ETF1: variants seen among roughly 807,000 people sequenced by gnomAD.
ETF1 encodes eukaryotic translation termination factor 1, also known as eukaryotic peptide chain release factor subunit 1.
Under a neutral mutation model 55.1 loss-of-function variants are expected in ETF1, and 4 were observed. The observed-to-expected ratio is 0.07, with a 90% CI of 0.04 to 0.17. The LOEUF (loss-of-function observed/expected upper bound fraction) is 0.17, where lower values mean the gene tolerates loss of function less well. Among genes scored for constraint, ETF1 ranks in the 10% least tolerant of loss-of-function variants. The probability of loss-of-function intolerance (pLI) is 1.00; values close to 1 mark genes in which losing one functional copy is unlikely to be tolerated. For synonymous variants in ETF1, 157 were observed against 182.3 expected (o/e 0.86, Z 1.12); for missense variants, 142 against 523.6 (o/e 0.27, Z 7.11).
In ETF1 at chr5:138,506,867, A is replaced by G. The variant is rs1430869681; in HGVS notation, c.*1438T>C. 1.3e-5 allele frequency: 2 copies of G among 152,666 alleles called. No homozygotes were observed. Among genetic ancestry groups the G allele is most frequent in the African/African-American group, 4.8e-5 (2 of 41,454 alleles). The allele number at this position is 152,666 out of a possible 1,614,324, so 9.5% of individuals were successfully genotyped here. On this transcript the variant is annotated 3_prime_UTR_variant, in exon 11 of 11. Coordinates refer to ENST00000360541, the MANE Select transcript of ETF1 (RefSeq NM_004730.4). Reference sequence around the variant, plus strand: ...ACAGCAGTCAGGCACTAAAGTGTTAAAAGTACCCAATTTGAAAACCAAATG... The same window carrying G: ...ACAGCAGTCAGGCACTAAAGTGTTAGAAGTACCCAATTTGAAAACCAAATG...
At chr5:138,526,568 G>C (rs1765481234) in intron 2 of ETF1, among the ~76,000 whole-genome samples, 1 of 152,080 alleles carries the variant, frequency 6.6e-6, no homozygotes, top group Non-Finnish European at 1.5e-5. Flanking sequence ...ATGGAGTCTT[G>C]CTCTGTTGCT....
intron 2 of ETF1, chr5:138,529,586 T>A (rs773125181): frequency 8.1e-6 from 8 of 985,320 alleles, no homozygotes; most frequent in Non-Finnish European, 9.6e-6. Context: ...CCCAGGGGCC[T>A]CTGCACTCAG....
intron 4 of ETF1, among the ~76,000 whole-genome samples, chr5:138,516,735 C>T (rs867264214): frequency 2.6e-5 from 4 of 152,172 alleles, no homozygotes; most frequent in African/African-American, 9.7e-5. Context: ...GTTTGGAAAA[C>T]AGTCTAGCAA....
intron 8 of ETF1, 152 bp from the exon 9 acceptor site, chr5:138,510,781 C>G (rs946797100): frequency 4.2e-5 from 50 of 1,181,430 alleles, no homozygotes; most frequent in Admixed American, 2.2e-4. Context: ...TGAGTGTCTA[C>G]TAGGTACAAT....
intron 2 of ETF1, among the ~76,000 whole-genome samples, chr5:138,532,567 T>C (rs1204069272): frequency 6.6e-6 from 1 of 152,188 alleles, no homozygotes; most frequent in Non-Finnish European, 1.5e-5. Context: ...ACAGCCCAAC[T>C]AGAAATGGGG....
chr5:138,521,015 A>G (rs1163247632), intron 2 of ETF1, among the ~76,000 whole-genome samples: 5 of 152,146 alleles, frequency 3.3e-5, no homozygotes, highest in Admixed American at 6.6e-5. Context: ...CAAGAGTGAG[A>G]GCGGGGACTT....
intron 2 of ETF1, among the ~76,000 whole-genome samples, chr5:138,528,389 TAAG>T (rs771546797): frequency 6.6e-6 from 1 of 152,224 alleles, no homozygotes; most frequent in Non-Finnish European, 1.5e-5. Context: ...GCTGATAGTT[TAAG>T]AAGATAAACA....
chr5:138,537,019 T>C (rs1447955772), intron 2 of ETF1, among the ~76,000 whole-genome samples: 2 of 152,150 alleles, frequency 1.3e-5, no homozygotes, highest in East Asian at 1.9e-4. Context: ...GCTATTACAA[T>C]AGGAGGTCTG....
chr5:138,522,169 G>T (rs116452192), intron 2 of ETF1, among the ~76,000 whole-genome samples: 1 of 151,804 alleles, frequency 6.6e-6, no homozygotes, highest in Non-Finnish European at 1.5e-5. Context: ...CCCAAAAACC[G>T]ACCTTTGGAC....
intron 2 of ETF1, among the ~76,000 whole-genome samples, chr5:138,526,541 AC>A (rs1358566272): frequency 6.6e-6 from 1 of 151,746 alleles, no homozygotes; most frequent in Admixed American, 6.6e-5. Flanking sequence ...CTTCCCGCCT[AC>A]CCCCTGCCCC....
At chr5:138,512,219 A>AT (rs1764818900) in intron 6 of ETF1, among the ~76,000 whole-genome samples, 1 of 30,450 alleles carries the variant, frequency 3.3e-5, no homozygotes, top group Non-Finnish European at 5.6e-5. Context: ...AAAAAAAAAA[A>AT]AAAAAAATAT....
chr5:138,528,762 G>A (rs2127109709), intron 2 of ETF1, among the ~76,000 whole-genome samples: 1 of 152,196 alleles, frequency 6.6e-6, no homozygotes, highest in Middle Eastern at 3.4e-3. Flanking sequence ...GACTAGGGAG[G>A]GGAAATGCAG....
chr5:138,517,265 G>A (rs1765059032), intron 4 of ETF1, among the ~76,000 whole-genome samples: 1 of 152,146 alleles, frequency 6.6e-6, no homozygotes, highest in South Asian at 2.1e-4. Flanking sequence ...CAGCTACTCA[G>A]GAGGCTGAGA....
chr5:138,527,031 G>C (rs1765501754), intron 2 of ETF1, among the ~76,000 whole-genome samples: 1 of 152,104 alleles, frequency 6.6e-6, no homozygotes, highest in African/African-American at 2.4e-5. Flanking sequence ...TAGAGATGTG[G>C]TTTCACCATG....
chr5:138,538,131 C>A (rs1766019805), intron 2 of ETF1, among the ~76,000 whole-genome samples: 1 of 149,494 alleles, frequency 6.7e-6, no homozygotes, highest in African/African-American at 2.5e-5. Flanking sequence ...CTCAGGTGAT[C>A]CACCTGCCTT....
At chr5:138,516,444 C>G (rs1370520698) in intron 4 of ETF1, among the ~76,000 whole-genome samples, 2 of 152,106 alleles carry the variant, frequency 1.3e-5, no homozygotes, top group African/African-American at 4.8e-5. Context: ...TGGGACAGGC[C>G]TGGCCAACAT....
chr5:138,511,412 A>G (rs1441330371), intron 7 of ETF1, 63 bp downstream of exon 7: 2 of 1,567,086 alleles, frequency 1.3e-6, no homozygotes, highest in South Asian at 2.3e-5. Flanking sequence ...ATACACACAC[A>G]CACACACACA....
intron 2 of ETF1, 140 bp downstream of exon 2, chr5:138,542,693 A>C: frequency 6.7e-7 from 1 of 1,485,218 alleles, no homozygotes; most frequent in Non-Finnish European, 8.9e-7. Flanking sequence ...CCCCTGGGTC[A>C]GGGGCTACTA....
At chr5:138,530,978 A>ACAACCTCG (rs1765674596) in intron 2 of ETF1, among the ~76,000 whole-genome samples, 4 of 151,860 alleles carry the variant, frequency 2.6e-5, no homozygotes, top group African/African-American at 9.7e-5. Context: ...CCACAACCTC[A>ACAACCTCG]CCTCCACCCA....
Sources: gnomAD v4.1 joint callset for allele counts (sites outside exome capture counted in the v4.1 genomes callset) on GRCh38, gnomAD v4.1.1 for gene constraint, MANE v1.5 for transcripts, NCBI Gene and HGNC (gene_info 2026-07-23, HGNC 2026-07-21) for gene names.